Variants in PRKAR1A observed in about 807,000 individuals in gnomAD.
PRKAR1A encodes protein kinase cAMP-dependent type I regulatory subunit alpha.
PRKAR1A carries 3 observed loss-of-function variants against 52.0 expected under a neutral mutation model. The ratio of observed to expected loss-of-function variants is 0.06; its 90% confidence interval spans 0.03 to 0.15. PRKAR1A has a LOEUF of 0.15. Ranked by LOEUF, PRKAR1A falls within the 10% of genes least tolerant of loss-of-function variation. The pLI, the probability that PRKAR1A is intolerant of heterozygous loss-of-function variation, is 1.00. For synonymous variants in PRKAR1A, 188 were observed against 168.4 expected (o/e 1.12, Z -0.90); for missense variants, 240 against 477.4 (o/e 0.50, Z 4.63).
In PRKAR1A at chr17:68,532,909, C is replaced by T; in HGVS notation, c.*2460C>T. 9.4e-7 allele frequency: 1 copy of T among 1,065,990 alleles called. No individual in the cohort carries two copies. The highest frequency in any genetic ancestry group is 1.1e-6 in the Non-Finnish European group (1 of 879,738). The allele number at this position is 1,065,990 out of a possible 1,614,324, so 66.0% of individuals were successfully genotyped here. A position where few individuals can be genotyped will look rare whatever the true frequency, so the allele number is the denominator to read the frequency against. On this transcript the variant is annotated 3_prime_UTR_variant, in exon 11 of 11. Coordinates refer to ENST00000589228, the MANE Select transcript of PRKAR1A (RefSeq NM_002734.5). ...GTTTTGAAAGAGCAATGTTTATTTT[C>T]AGTGCTTTTCAGTTTGTCAAAGAGT...
At chr17:68,446,665 T>C in the PRKAR1A span, among the ~76,000 whole-genome samples, 10 of 152,256 alleles carry the variant, frequency 6.6e-5, no homozygotes, top group Admixed American at 5.2e-4. Context: ...CGTGGTTCTA[T>C]GCTTCCTTCT....
the PRKAR1A span, among the ~76,000 whole-genome samples, chr17:68,437,947 TTAAAAAAA>T: frequency 3.6e-4 from 21 of 58,786 alleles, no homozygotes; most frequent in South Asian, 1.3e-3. Flanking sequence ...GACATCTCTC[TTAAAAAAA>T]AAAAAAAAAA....
the PRKAR1A span, among the ~76,000 whole-genome samples, chr17:68,419,832 C>G: frequency 6.6e-6 from 1 of 150,754 alleles, no homozygotes. Context: ...GTGGTGCATG[C>G]CTGTAGCCCC....
Position 68,532,087 on chromosome 17 carries a change from T to C in PRKAR1A, c.*1638T>C. ...ATAAATCTGGGGAAGAGGTTTTATT[T>C]ACATTTTAGGGTGGGTAAGAAAGCC... On this transcript the variant is annotated 3_prime_UTR_variant, in exon 11 of 11. Transcript: ENST00000589228. 9.4e-7 allele frequency: 1 copy of C among 1,065,154 alleles called. No individual in the cohort carries two copies. Among genetic ancestry groups the C allele is most frequent in the East Asian group, 5.0e-5 (1 of 19,954 alleles). The allele number at this position is 1,065,154 out of a possible 1,614,324, so 66.0% of individuals were successfully genotyped here.
chr17:68,487,944 T>A, the PRKAR1A span, among the ~76,000 whole-genome samples: 3 of 149,716 alleles, frequency 2.0e-5, no homozygotes, highest in African/African-American at 4.9e-5. Flanking sequence ...CAAAAATAAA[T>A]AAAAAAAATG....
At chr17:68,495,630 T>G in the PRKAR1A span, among the ~76,000 whole-genome samples, 2 of 152,238 alleles carry the variant, frequency 1.3e-5, no homozygotes, top group Non-Finnish European at 2.9e-5. Flanking sequence ...CTTATTATAC[T>G]CATTTACTCA....
chr17:68,434,647 A>G, the PRKAR1A span: 1 of 1,613,326 alleles, frequency 6.2e-7, no homozygotes, highest in Middle Eastern at 1.7e-4. Flanking sequence ...AAGCAGGTGG[A>G]CATTTCATAA....
intron 11 of PRKAR1A, chr17:68,539,533 C>T (rs1321405140): frequency 3.9e-6 from 3 of 772,168 alleles, no homozygotes; most frequent in South Asian, 1.4e-5. Context: ...GCCTCTCCAG[C>T]CCCTCTCCCC....
the PRKAR1A span, among the ~76,000 whole-genome samples, chr17:68,480,625 G>A: frequency 2.0e-5 from 3 of 152,176 alleles, no homozygotes; most frequent in Admixed American, 1.3e-4. Flanking sequence ...ATGGCTCACT[G>A]CAGCCTCAAC....
chr17:68,537,381 C>T (rs1425542945), downstream of PRKAR1A: 1 of 1,519,858 alleles, frequency 6.6e-7, no homozygotes, highest in Non-Finnish European at 9.1e-7. The surrounding 1 kb of genome is among the most constrained non-coding windows in gnomAD (Gnocchi z 4.2). Context: ...GACTTGACTC[C>T]CAGCAGTAAC....
At chr17:68,536,980 A>T (rs984579561), downstream of PRKAR1A, 1 of 454,390 alleles carries the variant, frequency 2.2e-6, no homozygotes, top group Non-Finnish European at 4.4e-6. Context: ...TGTGAGGTCT[A>T]ATTTGAACCT....
In PRKAR1A at chr17:68,529,987, C is replaced by T. The variant is rs779141257; in HGVS notation, c.959C>T (p.Pro320Leu). The change falls in exon 10 of 11, where the codon CCT becomes CTT. Residue 320 changes from proline to leucine, a missense_variant. By Grantham distance (98) the Pro-to-Leu change is moderately conservative. Around this residue, in one of 4 missense-constraint regions of PRKAR1A, gnomAD observed 107 missense variants for 290.9 expected, o/e 0.37. Coordinates refer to ENST00000589228, the MANE Select transcript of PRKAR1A (RefSeq NM_002734.5). The part of the protein sequence containing the change: ...EEFVEVGRLG[P>L]SDYFGEIALL... ...TTTGTTGAAGTGGGAAGATTGGGGC[C>T]TTCTGATTATTTTGGTATGTATGAA... 6.2e-7 allele frequency: 1 copy of T among 1,613,840 alleles called. No homozygotes were observed. The highest frequency in any genetic ancestry group is 8.5e-7 in the Non-Finnish European group (1 of 1,179,858).
chr17:68,507,788 T>C (rs1463391513), upstream of PRKAR1A, among the ~76,000 whole-genome samples: 1 of 152,202 alleles, frequency 6.6e-6, no homozygotes, highest in South Asian at 2.1e-4. Flanking sequence ...TCAGCCTTGT[T>C]TAAAAACAGC....
chr17:68,489,295 G>GTA, the PRKAR1A span, among the ~76,000 whole-genome samples: 4,614 of 14,316 alleles, frequency 0.32, 1,627 homozygotes, highest in East Asian at 0.5. Context: ...TATATGGAAA[G>GTA]TATATATATA....
chr17:68,426,249 C>CGGG, the PRKAR1A span: 47 of 787,852 alleles, frequency 6.0e-5, 4 homozygotes, highest in East Asian at 5.7e-4. Context: ...GGGTGGGGAG[C>CGGG]GGGGGCTCAA....
chr17:68,482,431 T>C, the PRKAR1A span, among the ~76,000 whole-genome samples: 1 of 152,234 alleles, frequency 6.6e-6, no homozygotes. Flanking sequence ...CTCATTTATA[T>C]GCTATAATAT....
At chr17:68,486,569 C>CTTTCTTTCT in the PRKAR1A span, among the ~76,000 whole-genome samples, 1 of 126,646 alleles carries the variant, frequency 7.9e-6, no homozygotes, top group African/African-American at 3.0e-5. Flanking sequence ...TTCTTTCTTT[C>CTTTCTTTCT]TTCTTTCCTT....
the PRKAR1A span, among the ~76,000 whole-genome samples, chr17:68,478,605 AAT>A: frequency 8.1e-6 from 1 of 123,026 alleles, no homozygotes; most frequent in African/African-American, 2.9e-5. Context: ...ACCATTTAGA[AAT>A]ATGTGTGTGT....
intron 7 of PRKAR1A, among the ~76,000 whole-genome samples, chr17:68,526,707 G>A (rs1443873552): frequency 6.6e-6 from 1 of 152,168 alleles, no homozygotes; most frequent in Non-Finnish European, 1.5e-5. Context: ...ACAGTTGGGA[G>A]CTAAGCAATG....
Sources: gnomAD v4.1 joint callset for allele counts (sites outside exome capture counted in the v4.1 genomes callset) on GRCh38, gnomAD v4.1.1 for gene constraint, gnomAD v4.1.1 regional missense constraint, Gnocchi (gnomAD v3.1) non-coding constraint, MANE v1.5 for transcripts, NCBI Gene and HGNC (gene_info 2026-07-23, HGNC 2026-07-21) for gene names.